Variants in SPAG16 observed in about 807,000 individuals in gnomAD.
SPAG16 encodes the protein sperm associated antigen 16.
SPAG16 carries 86 observed loss-of-function variants against 80.4 expected under a neutral mutation model. The ratio of observed to expected loss-of-function variants is 1.07; its 90% CI spans 0.90 to 1.28. The LOEUF (loss-of-function observed/expected upper bound fraction) is 1.28. Among genes scored for constraint, SPAG16 ranks in the 50% most tolerant of loss-of-function variants. The pLI is 0.00. For synonymous variants in SPAG16, 294 were observed against 265.9 expected (o/e 1.11, Z -1.03); for missense variants, 870 against 765.3 (o/e 1.14, Z -1.61).
intron 10 of SPAG16, among the ~76,000 whole-genome samples, chr2:213,724,705 C>A (rs2066676494): frequency 7.8e-6 from 1 of 128,970 alleles, no homozygotes; most frequent in Admixed American, 9.6e-5. Flanking sequence ...TTGAACTCGG[C>A]AATGGAGGTT....
At chr2:214,131,410 G>A (rs1277154013) in intron 14 of SPAG16, among the ~76,000 whole-genome samples, 1 of 150,974 alleles carries the variant, frequency 6.6e-6, no homozygotes, top group African/African-American at 2.4e-5. Flanking sequence ...TATCCACAAA[G>A]TAGGTAACTA....
At chr2:213,506,769 A>T (rs920069826) in intron 10 of SPAG16, among the ~76,000 whole-genome samples, 2 of 152,246 alleles carry the variant, frequency 1.3e-5, no homozygotes, top group East Asian at 1.9e-4. Flanking sequence ...TTAATTAATT[A>T]AAAAGATCAG....
intron 15 of SPAG16, among the ~76,000 whole-genome samples, chr2:214,390,579 A>C (rs1264655212): frequency 6.6e-6 from 1 of 152,136 alleles, no homozygotes; most frequent in Non-Finnish European, 1.5e-5. Context: ...TATAAACTGA[A>C]TGGGCAGTTT....
At chr2:213,352,791 A>C (rs1451296790) in intron 7 of SPAG16, among the ~76,000 whole-genome samples, 1 of 152,230 alleles carries the variant, frequency 6.6e-6, no homozygotes. Flanking sequence ...GTGCAAAGAA[A>C]TATATCTTTA....
intron 11 of SPAG16, among the ~76,000 whole-genome samples, chr2:213,865,574 C>A (rs2075649270): frequency 6.7e-6 from 1 of 149,088 alleles, no homozygotes; most frequent in African/African-American, 2.5e-5. Flanking sequence ...ATAAAAAATG[C>A]AAAAGAATAA....
intron 11 of SPAG16, among the ~76,000 whole-genome samples, chr2:213,869,262 A>ATATAT (rs1271904760): frequency 1.6e-4 from 2 of 12,330 alleles, no homozygotes; most frequent in Non-Finnish European, 1.4e-3. Context: ...TCAAAAAAAA[A>ATATAT]AAATATATAT....
intron 9 of SPAG16, among the ~76,000 whole-genome samples, chr2:213,395,895 C>G (rs2068005623): frequency 6.6e-6 from 1 of 152,170 alleles, no homozygotes; most frequent in Non-Finnish European, 1.5e-5. Flanking sequence ...TAGTAGGAAT[C>G]CAGTTTCACT....
intron 9 of SPAG16, among the ~76,000 whole-genome samples, chr2:213,403,573 A>G (rs1371718969): frequency 1.3e-5 from 2 of 152,174 alleles, no homozygotes; most frequent in Non-Finnish European, 2.9e-5. Context: ...AATAAGAGCT[A>G]TCTATGACAA....
intron 10 of SPAG16, among the ~76,000 whole-genome samples, chr2:213,794,558 A>T (rs909798298): frequency 6.6e-6 from 1 of 152,040 alleles, no homozygotes; most frequent in Non-Finnish European, 1.5e-5. Context: ...TCTTCCCGAA[A>T]TACTTATCTC....
At position 214,013,951 on chromosome 2, in the gene SPAG16, T is replaced by G. The variant is rs749449947; in HGVS notation, c.1401T>G (p.Ser467Arg). 6.2e-7 allele frequency: 1 copy of G among 1,612,898 alleles called. No homozygotes were observed. The highest frequency in any genetic ancestry group is 1.1e-5 in the South Asian group (1 of 91,022). Residue 467 changes from serine (S) to arginine (R), a missense_variant and splice_region_variant, in exon 13 of 16, where the codon AGT (serine) becomes AGG (arginine). Ser to Arg is a moderately radical substitution (Grantham distance 110). Transcript: ENST00000331683. ...AAATTCTTAATTTCTCTCTTTATAG[T>G]GAAAGATGCAGATGTACTTTGTATG... ...DKTSKIWDVN[S>R]ERCRCTLYGH...
At chr2:214,266,610 A>G (rs1691592103) in intron 15 of SPAG16, among the ~76,000 whole-genome samples, 1 of 151,944 alleles carries the variant, frequency 6.6e-6, no homozygotes, top group South Asian at 2.1e-4. Flanking sequence ...GGCTAAAGAA[A>G]GAAATAAAAG....
intron 3 of SPAG16, among the ~76,000 whole-genome samples, chr2:213,301,672 C>T (rs1363841142): frequency 6.6e-6 from 1 of 152,090 alleles, no homozygotes. Context: ...TCTATTCCCA[C>T]CTAAAAGATG....
intron 3 of SPAG16, among the ~76,000 whole-genome samples, chr2:213,308,235 A>T (rs1335406002): frequency 6.6e-6 from 1 of 152,098 alleles, no homozygotes; most frequent in African/African-American, 2.4e-5. Flanking sequence ...ACTACCAATT[A>T]TTTTATTTAT....
intron 15 of SPAG16, among the ~76,000 whole-genome samples, chr2:214,173,473 C>T (rs2056956062): frequency 6.6e-6 from 1 of 151,928 alleles, no homozygotes; most frequent in African/African-American, 2.4e-5. Flanking sequence ...GTTTTGGTAC[C>T]AGTACCATGC....
rs1576451910 is a variant in SPAG16 at position 214,187,824 on chromosome 2, A to G, written c.1720+38558A>G. On this transcript the variant is annotated intron_variant, in intron 15 of 15. Coordinates refer to ENST00000331683, the MANE Select transcript of SPAG16 (RefSeq NM_024532.5). ...CGGAGGAAAGGATGAAATGAGGAAGAAAAAAAAATGTAAACAAAATGAAAT... is the reference window on the plus strand; with the variant it reads ...CGGAGGAAAGGATGAAATGAGGAAGGAAAAAAAATGTAAACAAAATGAAAT... 4.6e-5 allele frequency among the ~76,000 whole-genome samples: 7 copies of G among 151,470 alleles called. 1 individual carries two copies. In the South Asian group the frequency reaches 1.5e-3, roughly 32 times the overall value.
intron 15 of SPAG16, among the ~76,000 whole-genome samples, chr2:214,236,461 G>T (rs1422393720): frequency 6.6e-6 from 1 of 152,060 alleles, no homozygotes; most frequent in Non-Finnish European, 1.5e-5. Flanking sequence ...AGACCAACCT[G>T]GCCAACATAG....
rs564308715 is a variant in SPAG16, at chr2:213,846,281, G to A, written c.1071-16204G>A. On this transcript the variant is annotated intron_variant, in intron 10 of 15. Coordinates refer to ENST00000331683, the MANE Select transcript of SPAG16 (RefSeq NM_024532.5). ...GTTTAGAAAGATTGAGAACTTATAA[G>A]TACATACATAAGTATAAATTATATA... 3.0e-3 allele frequency among the ~76,000 whole-genome samples: 454 copies of A among 152,074 alleles called. 3 individuals carry two copies. Among genetic ancestry groups the A allele is most frequent in the Non-Finnish European group, 4.6e-3 (311 of 67,988 alleles).
At chr2:213,702,910 T>C (rs2065545968) in intron 10 of SPAG16, among the ~76,000 whole-genome samples, 1 of 152,186 alleles carries the variant, frequency 6.6e-6, no homozygotes, top group South Asian at 2.1e-4. Flanking sequence ...TGGGCTTCTC[T>C]TTGGGTTTTG....
chr2:213,547,028 C>T (rs2076634380), intron 10 of SPAG16, among the ~76,000 whole-genome samples: 1 of 152,124 alleles, frequency 6.6e-6, no homozygotes, highest in Admixed American at 6.6e-5. Flanking sequence ...GATTACATTT[C>T]ACTATGGAGC....
Sources: gnomAD v4.1 joint callset for allele counts (sites outside exome capture counted in the v4.1 genomes callset) on GRCh38, gnomAD v4.1.1 for gene constraint, MANE v1.5 for transcripts, NCBI Gene and HGNC (gene_info 2026-07-23, HGNC 2026-07-21) for gene names.